CDH4: variants seen among roughly 807,000 people sequenced by gnomAD.
CDH4 encodes the protein cadherin-4.
Under a neutral mutation model 86.0 loss-of-function variants are expected in CDH4, and 33 were observed. That is an observed-to-expected ratio of 0.38 (90% CI 0.29 to 0.51). CDH4 has a LOEUF of 0.51. CDH4 is among the 20% of genes least tolerant of loss of function. CDH4 has a pLI of 0.86. For missense variants in CDH4, 1,114 were observed against 1,307.4 expected (o/e 0.85, Z 2.28); for synonymous variants, 555 against 549.4 (o/e 1.01, Z -0.14).
intron 2 of CDH4, among the ~76,000 whole-genome samples, chr20:61,440,767 C>T (rs951775532): frequency 1.3e-5 from 2 of 152,174 alleles, no homozygotes; most frequent in African/African-American, 4.8e-5. Flanking sequence ...TGTTGGTGTC[C>T]TCAGCAGGTG....
chr20:61,638,212 G>A (rs948283022), intron 2 of CDH4, among the ~76,000 whole-genome samples: 3 of 152,120 alleles, frequency 2.0e-5, no homozygotes, highest in Non-Finnish European at 2.9e-5. Flanking sequence ...TCTATGGATC[G>A]GCTGCCCCCT....
chr20:61,547,303 C>T (rs2086095476), intron 2 of CDH4, among the ~76,000 whole-genome samples: 1 of 150,682 alleles, frequency 6.6e-6, no homozygotes, highest in Non-Finnish European at 1.5e-5. Context: ...AGCTCCACCT[C>T]CCGGGTTCAC....
intron 4 of CDH4, among the ~76,000 whole-genome samples, chr20:61,796,249 C>G (rs955669823): frequency 1.3e-5 from 2 of 152,206 alleles, no homozygotes; most frequent in South Asian, 2.1e-4. Context: ...CCTGAGGCCA[C>G]ACAGCCAGGA....
chr20:61,553,625 A>C (rs941354462), intron 2 of CDH4, among the ~76,000 whole-genome samples: 8 of 152,348 alleles, frequency 5.3e-5, no homozygotes, highest in South Asian at 2.1e-4. Flanking sequence ...GTAGTGTGGT[A>C]GATTTCCAAA....
At chr20:61,913,268 G>C (rs905092916) in intron 9 of CDH4, among the ~76,000 whole-genome samples, 16 of 152,180 alleles carry the variant, frequency 1.1e-4, no homozygotes, top group Admixed American at 9.2e-4. Context: ...AAGGAAGAAG[G>C]CTGGCTCGAT....
At position 61,923,644 on chromosome 20, in the gene CDH4, G is replaced by C; in HGVS notation, c.1568G>C (p.Gly523Ala). 1 of 1,614,026 alleles carries C rather than the reference G, an allele frequency of 6.2e-7. No individual in the cohort carries two copies. Among genetic ancestry groups the C allele is most frequent in the Non-Finnish European group, 8.5e-7 (1 of 1,180,026 alleles). ...LIRLEEGVPPGTVLTTFSAVD... is the reference protein window; with the variant it reads ...LIRLEEGVPPATVLTTFSAVD... ...CGCCTGGAGGAGGGCGTGCCCCCCG[G>C]CACCGTGCTGACCACGTTTTCAGCT... Residue 523 changes from glycine (G) to alanine (A), a missense_variant, in exon 10 of 16, where the codon GGC (glycine) becomes GCC (alanine). Transcript: ENST00000614565.
At chr20:61,424,275 T>C (rs2085198723) in intron 2 of CDH4, among the ~76,000 whole-genome samples, 1 of 150,112 alleles carries the variant, frequency 6.7e-6, no homozygotes, top group Non-Finnish European at 1.5e-5. Context: ...CACATCCACA[T>C]ACAACACACA....
chr20:61,833,827 A>T (rs547296819), intron 4 of CDH4, among the ~76,000 whole-genome samples: 1 of 152,348 alleles, frequency 6.6e-6, no homozygotes, highest in East Asian at 1.9e-4. Context: ...TGCAGGCTGG[A>T]TTTAAAAAAT....
At chr20:61,905,755 T>A (rs1305264627) in intron 8 of CDH4, among the ~76,000 whole-genome samples, 1 of 152,122 alleles carries the variant, frequency 6.6e-6, no homozygotes, top group Non-Finnish European at 1.5e-5. Context: ...CTTACCTGGT[T>A]GTGGCTGTAG....
intron 2 of CDH4, among the ~76,000 whole-genome samples, chr20:61,395,472 T>A (rs974313055): frequency 6.6e-6 from 1 of 152,168 alleles, no homozygotes; most frequent in Non-Finnish European, 1.5e-5. Context: ...ACATAACATA[T>A]GCATAGTATT....
intron 2 of CDH4, among the ~76,000 whole-genome samples, chr20:61,721,399 C>A (rs1331678380): frequency 6.6e-6 from 1 of 152,196 alleles, no homozygotes; most frequent in African/African-American, 2.4e-5. Context: ...GGATGGACAC[C>A]AGGGGCTCTC....
intron 3 of CDH4, among the ~76,000 whole-genome samples, chr20:61,751,915 C>T (rs2088501155): frequency 6.6e-6 from 1 of 152,224 alleles, no homozygotes; most frequent in Non-Finnish European, 1.5e-5. Context: ...GACTGAAAAC[C>T]TAAACAGGAA....
intron 7 of CDH4, among the ~76,000 whole-genome samples, chr20:61,881,282 C>T (rs570311791): frequency 3.9e-5 from 6 of 152,326 alleles, no homozygotes; most frequent in South Asian, 2.1e-4. Flanking sequence ...AGCTGCGCTG[C>T]GAAGGGAGGG....
At chr20:61,273,243 G>A (rs1318933732) in intron 2 of CDH4, among the ~76,000 whole-genome samples, 22 of 104,340 alleles carry the variant, frequency 2.1e-4, no homozygotes, top group South Asian at 3.7e-4. Context: ...GGGGAGTACA[G>A]TGTGCAGTTT....
At chr20:61,400,997 G>A (rs2085046457) in intron 2 of CDH4, among the ~76,000 whole-genome samples, 1 of 152,182 alleles carries the variant, frequency 6.6e-6, no homozygotes, top group African/African-American at 2.4e-5. Flanking sequence ...ATGCAACCCT[G>A]TCATCTTCCA....
At chr20:61,903,540 TAAAAA>T (rs60370683) in intron 8 of CDH4, among the ~76,000 whole-genome samples, 6 of 90,886 alleles carry the variant, frequency 6.6e-5, no homozygotes, top group African/African-American at 1.9e-4. Context: ...AGAGACTCCA[TAAAAA>T]AAAAAAAAAA....
intron 2 of CDH4, among the ~76,000 whole-genome samples, chr20:61,400,546 A>G (rs902194116): frequency 7.9e-5 from 12 of 152,190 alleles, no homozygotes; most frequent in African/African-American, 2.9e-4. Context: ...CTCATTCTGT[A>G]TGTTCCCATG....
At chr20:61,876,593 A>G (rs1423840935) in intron 7 of CDH4, among the ~76,000 whole-genome samples, 1 of 152,174 alleles carries the variant, frequency 6.6e-6, no homozygotes, top group Non-Finnish European at 1.5e-5. Context: ...TCTGGTGTAC[A>G]ACATGGCAGC....
chr20:61,451,628 C>T (rs1210409282), intron 2 of CDH4, among the ~76,000 whole-genome samples: 1 of 151,920 alleles, frequency 6.6e-6, no homozygotes, highest in East Asian at 1.9e-4. Flanking sequence ...TGTGGACATA[C>T]CTAGGAGAGC....
Sources: gnomAD v4.1 joint callset for allele counts (sites outside exome capture counted in the v4.1 genomes callset) on GRCh38, gnomAD v4.1.1 for gene constraint, MANE v1.5 for transcripts, NCBI Gene and HGNC (gene_info 2026-07-23, HGNC 2026-07-21) for gene names.